SLC28A3: variants seen among roughly 807,000 people sequenced by gnomAD.
SLC28A3 encodes solute carrier family 28 member 3.
SLC28A3 carries 68 observed loss-of-function variants against 84.2 expected under a neutral mutation model. The ratio of observed to expected loss-of-function variants is 0.81; its 90% confidence interval spans 0.66 to 0.99. The LOEUF (loss-of-function observed/expected upper bound fraction) is 0.99. Among genes scored for constraint, SLC28A3 ranks in the 50% least tolerant of loss-of-function variants. The pLI, the probability that SLC28A3 is intolerant of heterozygous loss-of-function variation, is 0.00. For missense variants in SLC28A3, 712 were observed against 841.5 expected, an observed-to-expected ratio of 0.85 and a Z score of 1.90; for synonymous variants, 267 against 303.6, an observed-to-expected ratio of 0.88 and a Z score of 1.25.
chr9:84,309,595 A>C, intron 3 of SLC28A3, 34 bp downstream of exon 3: 1 of 1,367,040 alleles, frequency 7.3e-7, no homozygotes, highest in Non-Finnish European at 1.0e-6. Context: ...AACGGGAGGT[A>C]GGCTTGGTTA....
chr9:84,288,008 G>GCTTGGGTA lies in SLC28A3; in HGVS notation c.1280+32_1280+39dup, dbSNP rs778364184. ...TTGACTCCTGGAGTCCCCCGCCCCG[G>GCTTGGGTA]CTTGGGTAGTCATTAATTAGGTGAA... On this transcript the variant is annotated intron_variant, in intron 12 of 17. Coordinates refer to ENST00000376238, the MANE Select transcript of SLC28A3 (RefSeq NM_001199633.2). The GCTTGGGTA allele has an allele frequency of 8.1e-6, 13 of 1,611,984 alleles. No individual in the cohort carries two copies. In the East Asian group the frequency reaches 2.9e-4, roughly 36 times the overall value.
chr9:84,293,900 T>G (rs547822803), intron 9 of SLC28A3, among the ~76,000 whole-genome samples: 2 of 152,318 alleles, frequency 1.3e-5, no homozygotes, highest in South Asian at 4.1e-4. Flanking sequence ...AATAACATCA[T>G]TTCCCCCAGC....
chr9:84,319,165 C>T (rs527521585), intron 1 of SLC28A3, among the ~76,000 whole-genome samples: 50 of 152,276 alleles, frequency 3.3e-4, no homozygotes, highest in Admixed American at 1.6e-3. Context: ...CTTCAGGTCA[C>T]GCTGGGCCCT....
At chr9:84,323,467 C>T (rs1315966288) in intron 1 of SLC28A3, among the ~76,000 whole-genome samples, 4 of 149,674 alleles carry the variant, frequency 2.7e-5, no homozygotes, top group Non-Finnish European at 5.9e-5. Context: ...CTCTGTCATC[C>T]AGGCTGGAGT....
At position 84,313,461 on chromosome 9, in the gene SLC28A3, A is replaced by G. The variant is rs1401616106; in HGVS notation, c.61-7T>C. ...CAAGAAAGTTTTCTTCATTCTAAGA[A>G]AAAAGTGCAGATTGAAAAAATAAAA... On this transcript the variant is annotated splice_polypyrimidine_tract_variant and splice_region_variant and intron_variant, in intron 1 of 17. Transcript: ENST00000376238. 3 of 1,611,472 alleles carry G rather than the reference A, an allele frequency of 1.9e-6. No homozygotes were observed. The Admixed American group carries it at 5.0e-5, about 27-fold the overall frequency.
chr9:84,338,972 C>T (rs371771503), intron 1 of SLC28A3, among the ~76,000 whole-genome samples: 1 of 152,124 alleles, frequency 6.6e-6, no homozygotes, highest in African/African-American at 2.4e-5. Context: ...ACAGGTGTCC[C>T]GCTTGCTCAT....
chr9:84,350,776 A>AT, the SLC28A3 span, among the ~76,000 whole-genome samples: 1 of 152,134 alleles, frequency 6.6e-6, no homozygotes, highest in African/African-American at 2.4e-5. Flanking sequence ...CAGTGGTGCG[A>AT]TCTTGGCTCA....
intron 1 of SLC28A3, among the ~76,000 whole-genome samples, chr9:84,321,178 G>C (rs1826363039): frequency 6.6e-6 from 1 of 152,050 alleles, no homozygotes; most frequent in East Asian, 1.9e-4. Context: ...ACACCTTCCA[G>C]TAGATGAGAA....
the SLC28A3 span, among the ~76,000 whole-genome samples, chr9:84,346,614 C>T: frequency 6.6e-6 from 1 of 152,096 alleles, no homozygotes; most frequent in Non-Finnish European, 1.5e-5. Flanking sequence ...AAGGCTTAGT[C>T]TAATTAACTG....
At chr9:84,323,576 C>T (rs1474712006) in intron 1 of SLC28A3, among the ~76,000 whole-genome samples, 1 of 152,008 alleles carries the variant, frequency 6.6e-6, no homozygotes, top group Non-Finnish European at 1.5e-5. Context: ...AGGCGTGTGC[C>T]ACTGTGCCCG....
intron 9 of SLC28A3, among the ~76,000 whole-genome samples, chr9:84,293,564 G>A (rs573214117): frequency 2.0e-5 from 3 of 152,322 alleles, no homozygotes; most frequent in South Asian, 4.1e-4. Flanking sequence ...CTCTGTGCTC[G>A]TGTGTGGTGC....
chr9:84,297,032 T>C (rs1260019918), intron 8 of SLC28A3, among the ~76,000 whole-genome samples, 189 bp downstream of exon 8: 1 of 152,140 alleles, frequency 6.6e-6, no homozygotes, highest in Non-Finnish European at 1.5e-5. Flanking sequence ...AGTAACAAGG[T>C]AAAATGCGTG....
At chr9:84,356,765 A>G in the SLC28A3 span, among the ~76,000 whole-genome samples, 13 of 152,102 alleles carry the variant, frequency 8.5e-5, no homozygotes, top group Admixed American at 6.6e-4. Context: ...CGGGAAGCAG[A>G]GGTTGCAGTG....
intron 4 of SLC28A3, 138 bp from the exon 5 acceptor site, chr9:84,302,527 G>A (rs1825671720): frequency 1.2e-5 from 9 of 753,858 alleles, no homozygotes; most frequent in Non-Finnish European, 1.9e-5. Context: ...CTCTTGATAT[G>A]GCTACTGGCT....
At chr9:84,290,028 T>A (rs948329085) in intron 11 of SLC28A3, 126 bp downstream of exon 11, 7 of 1,321,018 alleles carry the variant, frequency 5.3e-6, no homozygotes, top group Non-Finnish European at 6.1e-6. Flanking sequence ...TGTGACCAAC[T>A]TTTGCCATAT....
At chr9:84,285,578 G>GCAAA (rs755201067) in intron 13 of SLC28A3, 36 bp from the exon 14 acceptor site, 4 of 1,610,590 alleles carry the variant, frequency 2.5e-6, no homozygotes, top group Non-Finnish European at 3.4e-6. Context: ...GATTAGAATA[G>GCAAA]TGATTTGCTT....
chr9:84,287,142 G>T (rs1190771495), intron 12 of SLC28A3, among the ~76,000 whole-genome samples: 1 of 147,606 alleles, frequency 6.8e-6, no homozygotes, highest in Non-Finnish European at 1.5e-5. Context: ...CTGGGTGACA[G>T]AGTGAGACCC....
chr9:84,351,924 A>C, the SLC28A3 span, among the ~76,000 whole-genome samples: 11 of 151,814 alleles, frequency 7.2e-5, no homozygotes, highest in African/African-American at 2.7e-4. Context: ...ATGAGAGAGA[A>C]TAAATAAAAC....
intron 14 of SLC28A3, among the ~76,000 whole-genome samples, chr9:84,282,883 T>C (rs1824813501): frequency 1.3e-5 from 2 of 152,198 alleles, no homozygotes; most frequent in South Asian, 2.1e-4. Flanking sequence ...CTCTTCTCTC[T>C]CATGGTTTCT....
Sources: allele counts gnomAD v4.1 joint callset (sites outside exome capture counted in the v4.1 genomes callset), GRCh38; gene constraint gnomAD v4.1.1; transcripts MANE v1.5; gene names NCBI Gene and HGNC (gene_info 2026-07-23, HGNC 2026-07-21).